C10orf143: variants seen among roughly 807,000 people sequenced by gnomAD.
The protein encoded by C10orf143 is uncharacterized protein C10orf143.
intron 3 of C10orf143, among the ~76,000 whole-genome samples, chr10:130,077,903 G>C (rs1485635953): frequency 2.6e-5 from 4 of 152,210 alleles, no homozygotes; most frequent in Non-Finnish European, 4.4e-5. Context: ...TTCAGAAGTA[G>C]TGGGTGTAAA....
chr10:130,081,044 C>A (rs1861199204), intron 1 of C10orf143, among the ~76,000 whole-genome samples: 1 of 152,108 alleles, frequency 6.6e-6, no homozygotes, highest in African/African-American at 2.4e-5. Context: ...CTAGAAAATA[C>A]AAATCCTTCT....
At chr10:130,059,718 G>A (rs1288637080), downstream of C10orf143, among the ~76,000 whole-genome samples, 2 of 152,190 alleles carry the variant, frequency 1.3e-5, no homozygotes, top group Non-Finnish European at 2.9e-5. Context: ...AATCCAGTTA[G>A]TGGAGGGGAA....
intron 3 of C10orf143, chr10:130,067,216 A>G (rs1860951342): frequency 6.6e-6 from 1 of 152,062 alleles, no homozygotes; most frequent in Non-Finnish European, 1.5e-5. Context: ...AACTCCCTCA[A>G]AACGTCCCCC....
chr10:130,060,439 T>C (rs1282145061), downstream of C10orf143, among the ~76,000 whole-genome samples: 1 of 152,240 alleles, frequency 6.6e-6, no homozygotes, highest in East Asian at 1.9e-4. Context: ...AATGGTATAC[T>C]GTGTAATCAC....
intron 1 of C10orf143, among the ~76,000 whole-genome samples, chr10:130,087,453 C>T (rs1241586729): frequency 6.6e-6 from 1 of 152,094 alleles, no homozygotes; most frequent in African/African-American, 2.4e-5. Context: ...GGAGCGTGGC[C>T]GAGAAATAGA....
At chr10:130,096,931 C>T (rs1861471792) in intron 1 of C10orf143, among the ~76,000 whole-genome samples, 1 of 148,348 alleles carries the variant, frequency 6.7e-6, no homozygotes, top group African/African-American at 2.5e-5. Context: ...TACAAGTATC[C>T]AGAAAATATA....
chr10:130,108,173 T>G (rs1590040215), intron 1 of C10orf143: 1 of 1,576,860 alleles, frequency 6.3e-7, no homozygotes, highest in African/African-American at 1.3e-5. Context: ...AAGGGGCCCG[T>G]TCATGAGAAG....
chr10:130,062,976 C>T (rs576251776), downstream of C10orf143, among the ~76,000 whole-genome samples: 25 of 146,524 alleles, frequency 1.7e-4, no homozygotes, highest in Non-Finnish European at 3.6e-4. Flanking sequence ...AGGGCAACCT[C>T]CCCACCACAC....
At chr10:130,055,893 C>A (rs546810452) in intron 3 of C10orf143, among the ~76,000 whole-genome samples, 1 of 132,696 alleles carries the variant, frequency 7.5e-6, no homozygotes, top group South Asian at 2.5e-4. Context: ...TTGCAGTGAG[C>A]TGAGATCGCA....
chr10:130,065,412 G>A lies in C10orf143; in HGVS notation c.298-1029C>T, dbSNP rs1204793060. On this transcript the variant is annotated intron_variant, in intron 3 of 3. Coordinates refer to ENST00000637128, the MANE Select transcript of C10orf143 (RefSeq NM_001355042.2). This position sits in a 1 kb window ranked among gnomAD's most constrained non-coding sequence, Gnocchi z 4.2. ...ACGAAGGAGCAAGAGAATCTTTGGA[G>A]GTGGGAAGGTATACCTCAAGCAGTA... 6.6e-6 allele frequency: 1 copy of A among 152,214 alleles called. No homozygotes were observed. 9.4% of individuals were successfully genotyped at this position (152,214 alleles called of 1,614,324 possible). A position where few individuals can be genotyped will look rare whatever the true frequency, so the allele number is the denominator to read the frequency against.
intron 3 of C10orf143, among the ~76,000 whole-genome samples, chr10:130,043,368 A>T (rs1261735193): frequency 6.6e-6 from 1 of 152,216 alleles, no homozygotes; most frequent in Non-Finnish European, 1.5e-5. Context: ...AACACACCAA[A>T]TCTAACAGTC....
intron 3 of C10orf143, among the ~76,000 whole-genome samples, chr10:130,050,416 C>T (rs545632884): frequency 1.3e-4 from 20 of 152,310 alleles, no homozygotes; most frequent in Admixed American, 2.6e-4. Flanking sequence ...ATTAACCAGA[C>T]GTGGCAGCGT....
At chr10:130,061,382 G>A (rs968366938), downstream of C10orf143, among the ~76,000 whole-genome samples, 9 of 152,048 alleles carry the variant, frequency 5.9e-5, no homozygotes, top group Non-Finnish European at 1.2e-4. Context: ...TATTTTTGAA[G>A]GAGGAAAAAC....
intron 3 of C10orf143, among the ~76,000 whole-genome samples, chr10:130,045,612 C>G (rs1013281939): frequency 6.6e-6 from 1 of 152,210 alleles, no homozygotes; most frequent in Admixed American, 6.5e-5. Context: ...CTGGCATTTT[C>G]GTTTGAAGCA....
chr10:130,103,508 T>TA (rs1861592471), intron 1 of C10orf143, among the ~76,000 whole-genome samples: 2 of 151,976 alleles, frequency 1.3e-5, no homozygotes, highest in South Asian at 4.2e-4. Context: ...AATAAATACA[T>TA]ACACACTTGT....
chr10:130,109,242 G>A (rs1207661191), intron 1 of C10orf143, among the ~76,000 whole-genome samples: 1 of 152,168 alleles, frequency 6.6e-6, no homozygotes, highest in Non-Finnish European at 1.5e-5. Context: ...GTGAAGTAAG[G>A]TCTCAACACA....
intron 1 of C10orf143, among the ~76,000 whole-genome samples, chr10:130,089,050 T>C (rs1861338447): frequency 6.6e-6 from 1 of 152,120 alleles, no homozygotes; most frequent in Non-Finnish European, 1.5e-5. Flanking sequence ...CAAGTCTAGC[T>C]TGGCGAAGAG....
intron 3 of C10orf143, among the ~76,000 whole-genome samples, chr10:130,057,512 C>T (rs1462202422): frequency 2.0e-5 from 3 of 152,192 alleles, no homozygotes; most frequent in African/African-American, 7.2e-5. Context: ...TGGTAAGCAA[C>T]TGGGGGGCCA....
At chr10:130,052,496 G>A (rs55794660) in intron 3 of C10orf143, among the ~76,000 whole-genome samples, 22,263 of 152,156 alleles carry the variant, frequency 0.15, 2,214 homozygotes, top group Non-Finnish European at 0.21. Context: ...GCCAGGACAC[G>A]TGAGGTGCAA....
Sources: gnomAD v4.1 joint callset for allele counts (sites outside exome capture counted in the v4.1 genomes callset) on GRCh38, gnomAD v4.1.1 for gene constraint, Gnocchi (gnomAD v3.1) non-coding constraint, MANE v1.5 for transcripts, NCBI Gene and HGNC (gene_info 2026-07-23, HGNC 2026-07-21) for gene names.